KCNQ5: variants seen among roughly 807,000 people sequenced by gnomAD.
KCNQ5 encodes potassium voltage-gated channel subfamily KQT member 5.
A neutral mutation model predicts 98.2 loss-of-function variants in KCNQ5; 30 were observed. The observed-to-expected ratio is 0.31, with a 90% confidence interval of 0.23 to 0.41. KCNQ5 has a LOEUF of 0.41. Among genes scored for constraint, KCNQ5 ranks in the 10% least tolerant of loss-of-function variants. The probability of loss-of-function intolerance (pLI) is 1.00; values close to 1 mark genes in which losing one functional copy is unlikely to be tolerated. For missense variants in KCNQ5, 835 were observed against 1,182.5 expected (o/e 0.71, Z 4.31); for synonymous variants, 458 against 449.4 (o/e 1.02, Z -0.24).
intron 1 of KCNQ5, among the ~76,000 whole-genome samples, chr6:72,881,250 A>C (rs1778626071): frequency 6.6e-6 from 1 of 152,218 alleles, no homozygotes; most frequent in African/African-American, 2.4e-5. Flanking sequence ...ATGAACACAG[A>C]GCACTAATCC....
Position 73,041,997 on chromosome 6 carries a change from G to A in KCNQ5, c.551G>A (p.Cys184Tyr). The change falls in exon 3 of 14, where the codon TGC becomes TAC. Residue 184 changes from cysteine (C) to tyrosine (Y), a missense_variant. By Grantham distance (194) the Cys-to-Tyr change is radical (BLOSUM62 -2). Coordinates refer to ENST00000370398, the MANE Select transcript of KCNQ5 (RefSeq NM_019842.4). ...EFIIRIWSAG[C>Y]CCRYRGWQGR... ...ATCATTCGAATCTGGTCTGCGGGTT[G>A]CTGTTGTCGATATAGAGGATGGCAA... The A allele has an allele frequency of 6.2e-7, 1 of 1,613,908 alleles. No homozygotes were observed. The highest frequency in any genetic ancestry group is 8.5e-7 in the Non-Finnish European group (1 of 1,179,810).
chr6:73,084,359 T>C (rs901284659), intron 5 of KCNQ5, among the ~76,000 whole-genome samples: 3 of 152,212 alleles, frequency 2.0e-5, no homozygotes, highest in African/African-American at 2.4e-5. Flanking sequence ...GTGTTATTTA[T>C]TTGTTTTTCT....
At chr6:72,939,379 AC>A (rs1766117534) in intron 1 of KCNQ5, among the ~76,000 whole-genome samples, 1 of 152,176 alleles carries the variant, frequency 6.6e-6, no homozygotes, top group African/African-American at 2.4e-5. Flanking sequence ...CTCCAGAGAC[AC>A]TTTTCTGCTT....
chr6:72,898,776 T>C (rs1264856522), intron 1 of KCNQ5, among the ~76,000 whole-genome samples: 1 of 152,244 alleles, frequency 6.6e-6, no homozygotes, highest in Non-Finnish European at 1.5e-5. Context: ...GTTGAACTAA[T>C]TTATACTCCC....
chr6:72,665,620 C>G (rs1766774128), intron 1 of KCNQ5, among the ~76,000 whole-genome samples: 1 of 152,210 alleles, frequency 6.6e-6, no homozygotes, highest in Non-Finnish European at 1.5e-5. Flanking sequence ...AGCACAGTCT[C>G]TGCCCAAAGC....
chr6:72,840,847 A>C (rs375632816), intron 1 of KCNQ5, among the ~76,000 whole-genome samples: 1 of 152,178 alleles, frequency 6.6e-6, no homozygotes. Flanking sequence ...ATGTATGCAT[A>C]TTATGGCACC....
intron 1 of KCNQ5, among the ~76,000 whole-genome samples, chr6:72,982,299 G>T (rs542437614): frequency 2.6e-5 from 4 of 152,230 alleles, no homozygotes; most frequent in African/African-American, 4.8e-5. Context: ...AAGTCTCTTT[G>T]TAAGTCTCTA....
At chr6:72,640,317 C>T (rs2098926501) in intron 1 of KCNQ5, among the ~76,000 whole-genome samples, 1 of 149,576 alleles carries the variant, frequency 6.7e-6, no homozygotes, top group East Asian at 2.0e-4. Flanking sequence ...GTTAAAGCTC[C>T]TTATATAATT....
intron 1 of KCNQ5, among the ~76,000 whole-genome samples, chr6:72,903,242 G>A (rs1157562139): frequency 3.9e-5 from 6 of 151,958 alleles, no homozygotes; most frequent in Non-Finnish European, 7.4e-5. Context: ...GGTTAATCTT[G>A]CTAATGGTCT....
At chr6:73,110,414 A>G (rs769141515) in intron 6 of KCNQ5, among the ~76,000 whole-genome samples, 1 of 152,192 alleles carries the variant, frequency 6.6e-6, no homozygotes, top group Non-Finnish European at 1.5e-5. Context: ...GCAAATTGAA[A>G]AGAGTGGGGG....
At chr6:72,944,416 A>C (rs985711707) in intron 1 of KCNQ5, among the ~76,000 whole-genome samples, 2 of 152,162 alleles carry the variant, frequency 1.3e-5, no homozygotes, top group African/African-American at 4.8e-5. Flanking sequence ...TTTTCTACAA[A>C]TACTTATTGA....
At chr6:73,023,830 TA>T (rs1194152086) in intron 2 of KCNQ5, among the ~76,000 whole-genome samples, 1 of 152,180 alleles carries the variant, frequency 6.6e-6, no homozygotes, top group Non-Finnish European at 1.5e-5. Flanking sequence ...TTATTGATAT[TA>T]ATTATTTTAA....
Position 73,074,619 on chromosome 6 carries a change from A to C in KCNQ5, c.617-2703A>C, listed in dbSNP as rs1459841936. On this transcript the variant is annotated intron_variant, in intron 3 of 13. Transcript: ENST00000370398. ...CATACTTTTTGTGCTGTAGTCTAAC[A>C]AACCGATAGCTGAGTTTTTTTAAAA... Among the ~76,000 whole-genome samples the C allele has an allele frequency of 5.9e-5, 9 of 152,194 alleles. No individual in the cohort carries two copies. The East Asian group carries it at 1.3e-3, about 23-fold the overall frequency.
At chr6:72,870,192 G>T (rs540007081) in intron 1 of KCNQ5, among the ~76,000 whole-genome samples, 19 of 152,266 alleles carry the variant, frequency 1.2e-4, no homozygotes, top group African/African-American at 3.4e-4. Flanking sequence ...TGACTGCAAT[G>T]ACATCAGGAT....
chr6:73,004,103 G>T, intron 2 of KCNQ5, 105 bp downstream of exon 2: 1 of 632,562 alleles, frequency 1.6e-6, no homozygotes. Flanking sequence ...CTAAAAAAGA[G>T]TTACTGAGAA....
At chr6:73,149,806 A>AAAG (rs1554215588) in intron 10 of KCNQ5, among the ~76,000 whole-genome samples, 26 of 144,232 alleles carry the variant, frequency 1.8e-4, no homozygotes, top group African/African-American at 5.0e-4. Context: ...AAAAAAAAAA[A>AAAG]AGAGAGAGAG....
At chr6:72,984,595 G>T (rs1020129600) in intron 1 of KCNQ5, among the ~76,000 whole-genome samples, 4 of 152,146 alleles carry the variant, frequency 2.6e-5, no homozygotes, top group African/African-American at 9.7e-5. Flanking sequence ...GCAGTGTCCC[G>T]ATTTTCCAGG....
intron 1 of KCNQ5, among the ~76,000 whole-genome samples, chr6:72,670,994 T>A (rs1412562843): frequency 6.6e-6 from 1 of 152,172 alleles, no homozygotes; most frequent in Non-Finnish European, 1.5e-5. Flanking sequence ...TCAGGCAAGT[T>A]CTTTGCCACC....
intron 1 of KCNQ5, among the ~76,000 whole-genome samples, chr6:72,814,790 G>T (rs1056553650): frequency 6.6e-6 from 1 of 152,146 alleles, no homozygotes; most frequent in African/African-American, 2.4e-5. Context: ...GACATAAGAA[G>T]AATTAATTCT....
Sources: allele counts gnomAD v4.1 joint callset (sites outside exome capture counted in the v4.1 genomes callset), GRCh38; gene constraint gnomAD v4.1.1; transcripts MANE v1.5; gene names NCBI Gene and HGNC (gene_info 2026-07-23, HGNC 2026-07-21).